Variants in STK24 observed in about 807,000 individuals in gnomAD.
STK24 encodes the protein serine/threonine-protein kinase 24.
STK24 carries 21 observed loss-of-function variants against 55.6 expected under a neutral mutation model. The observed-to-expected ratio is 0.38, with a 90% confidence interval of 0.27 to 0.54. The LOEUF (loss-of-function observed/expected upper bound fraction) is 0.54. STK24 is among the 20% of genes least tolerant of loss of function. The probability of loss-of-function intolerance (pLI) is 0.79; values close to 1 mark genes in which losing one functional copy is unlikely to be tolerated. For synonymous variants in STK24, 200 were observed against 215.2 expected, an observed-to-expected ratio of 0.93 and a Z score of 0.62; for missense variants, 383 against 538.4, an observed-to-expected ratio of 0.71 and a Z score of 2.86.
intron 2 of STK24, among the ~76,000 whole-genome samples, chr13:98,500,952 T>A (rs923413913): frequency 1.3e-5 from 2 of 152,022 alleles, no homozygotes; most frequent in Admixed American, 1.3e-4. Context: ...TCTTACTACA[T>A]CTGATGAGTA....
intron 1 of STK24, among the ~76,000 whole-genome samples, chr13:98,527,070 C>T (rs1034996291): frequency 5.3e-5 from 8 of 152,166 alleles, no homozygotes; most frequent in Non-Finnish European, 7.3e-5. Context: ...TAATTCTCAT[C>T]GGCATCCTTT....
At chr13:98,499,200 T>G (rs528776586) in intron 2 of STK24, among the ~76,000 whole-genome samples, 4 of 151,898 alleles carry the variant, frequency 2.6e-5, no homozygotes, top group African/African-American at 7.2e-5. Flanking sequence ...ATTTTACCAC[T>G]GCACTCCAAC....
chr13:98,568,977 A>T (rs1002570769), intron 1 of STK24, among the ~76,000 whole-genome samples: 1 of 152,222 alleles, frequency 6.6e-6, no homozygotes, highest in African/African-American at 2.4e-5. Flanking sequence ...GGGGGAGGGG[A>T]ATCAAAGAAA....
At position 98,546,901 on chromosome 13, in the gene STK24, G is replaced by GT. The variant is rs1013321735; in HGVS notation, c.43-27429dup. On this transcript the variant is annotated intron_variant, in intron 1 of 10. Transcript: ENST00000539966. ...CCCCTTCCTTCCATATCTAATTGTT[G>GT]TTTTTTTTTGTTTGTTTGTTTGTTT... Among the ~76,000 whole-genome samples the GT allele has an allele frequency of 1.5e-3, 141 of 94,170 alleles. 3 individuals are homozygous for GT. The highest frequency in any genetic ancestry group is 2.3e-3 in the African/African-American group (61 of 26,126). 61.8% of individuals were successfully genotyped at this position (94,170 alleles called of 152,430 possible).
chr13:98,558,903 G>A (rs1452511391), intron 1 of STK24, among the ~76,000 whole-genome samples: 2 of 148,690 alleles, frequency 1.3e-5, no homozygotes, highest in Non-Finnish European at 3.0e-5. Context: ...GGTGGCTCAC[G>A]CCTGTAATCC....
chr13:98,472,525 T>C (rs1186905492), intron 5 of STK24, among the ~76,000 whole-genome samples: 2 of 152,234 alleles, frequency 1.3e-5, no homozygotes, highest in Non-Finnish European at 2.9e-5. Context: ...AAACTGCTTA[T>C]TTATTGTTTC....
chr13:98,517,507 G>C lies in STK24; in HGVS notation c.273+1736C>G, dbSNP rs376961059. On this transcript the variant is annotated intron_variant, in intron 2 of 10. Transcript: ENST00000539966. ...CGGGCACGGTGGTTGGTGAGCGACT[G>C]TAATCCCAGCTACTCAGGAGGCTGA... is the stretch of plus-strand genomic sequence containing the variant. Among the ~76,000 whole-genome samples the C allele has an allele frequency of 1.1e-4, 17 of 152,146 alleles. 2 individuals are homozygous for C. Among genetic ancestry groups the C allele is most frequent in the African/African-American group, 3.9e-4 (16 of 41,502 alleles).
intron 1 of STK24, among the ~76,000 whole-genome samples, chr13:98,544,675 C>G (rs749705703): frequency 3.3e-5 from 5 of 152,204 alleles, no homozygotes; most frequent in Non-Finnish European, 4.4e-5. Flanking sequence ...GCGGAGACGC[C>G]TCTACAAGGA....
At position 98,520,260 on chromosome 13, in the gene STK24, C is replaced by A. The variant is rs79622394; in HGVS notation, c.43-787G>T. ...TTTGTCAGGAAACTGAGAAGCAATC[C>A]CGATGTTTAGCAAGGCAAGACAGGG... On this transcript the variant is annotated intron_variant, in intron 1 of 10. Transcript: ENST00000539966. Among the ~76,000 whole-genome samples the A allele has an allele frequency of 5.8e-4, 89 of 152,258 alleles. 2 individuals are homozygous for A. In the South Asian group the frequency reaches 0.018, roughly 31 times the overall value.
At position 98,576,558 on chromosome 13, in the gene STK24, G is replaced by T. The variant is rs1169878305; in HGVS notation, c.42+187C>A. 6.6e-5 allele frequency among the ~76,000 whole-genome samples: 10 copies of T among 152,094 alleles called. No homozygotes were observed. In the East Asian group the frequency reaches 1.6e-3, roughly 24 times the overall value. On this transcript the variant is annotated intron_variant, in intron 1 of 10. Coordinates refer to ENST00000539966, the MANE Select transcript of STK24 (RefSeq NM_001032296.4). ...CCTGCACGCACACGCCGGAGACCTC[G>T]GCCGCCGGAGCCGGCAGGGACGCCC...
Position 98,451,573 on chromosome 13 carries a change from G to A in STK24, c.*1600C>T, listed in dbSNP as rs1446153166. The A allele has an allele frequency of 1.3e-5, 2 of 152,006 alleles. No individual in the cohort carries two copies. Among genetic ancestry groups the A allele is most frequent in the African/African-American group, 4.8e-5 (2 of 41,380 alleles). 9.4% of individuals were successfully genotyped at this position (152,006 alleles called of 1,614,324 possible). A position where few individuals can be genotyped will look rare whatever the true frequency, so the allele number is the denominator to read the frequency against. ...ACCCACTCAAGCATCTGTAGCTCAG[G>A]GCTCTGTCCCCTCCCTATAGCTTAG... On this transcript the variant is annotated 3_prime_UTR_variant, in exon 11 of 11. Coordinates refer to ENST00000539966, the MANE Select transcript of STK24 (RefSeq NM_001032296.4).
rs766098532 is a variant in STK24 at position 98,474,925 on chromosome 13, C to T, written c.493G>A (p.Val165Met). 5 of 1,614,086 alleles carry T rather than the reference C, an allele frequency of 3.1e-6. No homozygotes were observed. The highest frequency in any genetic ancestry group is 4.2e-6 in the Non-Finnish European group (5 of 1,179,992). The change falls in exon 5 of 11, where the codon GTG becomes ATG. Residue 165 changes from valine (V) to methionine (M), a missense_variant. Transcript: ENST00000539966. ...TGGGTGTCTGTCAGCTGGCCAGCCA[C>T]GCCAAAGTCCGCCAGCTTCACCTCG... The part of the protein sequence containing the change: ...HGEVKLADFG[V>M]AGQLTDTQIK...
chr13:98,447,865 A>G lies in STK24; in HGVS notation c.*5308T>C. On this transcript the variant is annotated 3_prime_UTR_variant, in exon 11 of 11. Transcript: ENST00000539966. ...GTCTCAAAAAAAAAAGAAAAAGAAA[A>G]AAGGAAGGGAGAGCTTCCACTAAGC... The G allele has an allele frequency of 4.5e-6, 1 of 220,996 alleles. No individual in the cohort carries two copies. 13.7% of individuals were successfully genotyped at this position (220,996 alleles called of 1,614,324 possible).
At chr13:98,457,465 CTTTTTTT>C (rs11351684) in intron 9 of STK24, among the ~76,000 whole-genome samples, 161 bp from the exon 10 acceptor site, 9 of 110,812 alleles carry the variant, frequency 8.1e-5, no homozygotes, top group East Asian at 2.5e-4. Flanking sequence ...CTTCAAATTG[CTTTTTTT>C]TTTTTTTTTT....
intron 1 of STK24, among the ~76,000 whole-genome samples, chr13:98,554,060 C>A (rs1897224783): frequency 7.1e-6 from 1 of 141,754 alleles, no homozygotes. Context: ...TGGAGCAAGA[C>A]TCAGTCTCAA....
At chr13:98,461,054 A>AAAGAGAGAG (rs368896026) in intron 8 of STK24, among the ~76,000 whole-genome samples, 34 of 143,744 alleles carry the variant, frequency 2.4e-4, no homozygotes, top group African/African-American at 7.0e-4. Context: ...AAAAAAAAAA[A>AAAGAGAGAG]AGAGAGAGAG....
chr13:98,541,790 G>A (rs1377667014), intron 1 of STK24, among the ~76,000 whole-genome samples: 1 of 152,180 alleles, frequency 6.6e-6, no homozygotes, highest in Non-Finnish European at 1.5e-5. Flanking sequence ...CCATGAGGAA[G>A]TGTATTTTAT....
At chr13:98,470,817 T>C (rs1264433197) in intron 5 of STK24, among the ~76,000 whole-genome samples, 1 of 152,200 alleles carries the variant, frequency 6.6e-6, no homozygotes, top group Non-Finnish European at 1.5e-5. Context: ...TTTAATTATA[T>C]AGAGAAAATA....
chr13:98,534,378 G>C (rs1406555254), intron 1 of STK24, among the ~76,000 whole-genome samples: 1 of 152,156 alleles, frequency 6.6e-6, no homozygotes, highest in African/African-American at 2.4e-5. Flanking sequence ...TTTCATTCCT[G>C]GGCATGGGCT....
Sources: gnomAD v4.1 joint callset for allele counts (sites outside exome capture counted in the v4.1 genomes callset) on GRCh38, gnomAD v4.1.1 for gene constraint, MANE v1.5 for transcripts, NCBI Gene and HGNC (gene_info 2026-07-23, HGNC 2026-07-21) for gene names.